The following HERC4 variants were observed in gnomAD, a reference collection of about 807,000 sequenced individuals.
HERC4 encodes HECT and RLD domain containing E3 ubiquitin protein ligase 4, also known as probable E3 ubiquitin-protein ligase HERC4.
HERC4 carries 28 observed loss-of-function variants against 124.3 expected under a neutral mutation model. That is an observed-to-expected ratio of 0.23 (90% CI 0.17 to 0.31). The LOEUF is 0.31. HERC4 is among the 10% of genes least tolerant of loss of function. The pLI is 1.00. For missense variants in HERC4, 713 were observed against 1,229.3 expected (o/e 0.58, Z 6.28); for synonymous variants, 407 against 421.5 (o/e 0.97, Z 0.42).
chr10:68,049,731 T>C (rs779517593), intron 3 of HERC4, among the ~76,000 whole-genome samples: 1 of 150,212 alleles, frequency 6.7e-6, no homozygotes, highest in African/African-American at 2.5e-5. Flanking sequence ...GGCAACATAA[T>C]GAGACCCTGT....
chr10:67,948,904 G>A (rs1381723268), intron 19 of HERC4, among the ~76,000 whole-genome samples: 2 of 149,886 alleles, frequency 1.3e-5, no homozygotes, highest in Non-Finnish European at 3.0e-5. Context: ...CTGGGTGACA[G>A]AGCAAGACTC....
chr10:68,021,927 A>T (rs142191960), intron 8 of HERC4, among the ~76,000 whole-genome samples: 1 of 152,228 alleles, frequency 6.6e-6, no homozygotes, highest in Admixed American at 6.5e-5. Context: ...AAAATTGTTA[A>T]AACTAATAAA....
intron 8 of HERC4, among the ~76,000 whole-genome samples, chr10:68,023,077 G>C (rs926490308): frequency 6.6e-6 from 1 of 151,824 alleles, no homozygotes; most frequent in African/African-American, 2.4e-5. Flanking sequence ...CTGAAACCCT[G>C]TACACTTTTG....
At chr10:67,931,716 C>T (rs189845700) in intron 23 of HERC4, among the ~76,000 whole-genome samples, 12 of 152,184 alleles carry the variant, frequency 7.9e-5, no homozygotes, top group Admixed American at 1.3e-4. Context: ...TGAGCCATCG[C>T]GCCTGGCTTG....
At position 67,944,751 on chromosome 10, in the gene HERC4, C is replaced by G. The variant is rs180898884; in HGVS notation, c.2338-3646G>C. Reference sequence around the variant, plus strand: ...TCAGAATCCTATCAGATAAATTTAACAGAGTAAAATAAAAAGAAGCAGAAA... The same window carrying G: ...TCAGAATCCTATCAGATAAATTTAAGAGAGTAAAATAAAAAGAAGCAGAAA... On this transcript the variant is annotated intron_variant, in intron 19 of 24. Transcript: ENST00000373700. Among the ~76,000 whole-genome samples the G allele has an allele frequency of 3.5e-4, 53 of 152,190 alleles. No individual in the cohort carries two copies. In the East Asian group the frequency reaches 9.6e-3, roughly 28 times the overall value.
rs188776627 is a variant in HERC4, at chr10:68,010,683, G to A, written c.1069+3343C>T. The A allele has an allele frequency of 1.6e-5, 24 of 1,475,748 alleles. No individual in the cohort carries two copies. In the East Asian group the frequency reaches 2.1e-4, roughly 13 times the overall value. 91.4% of individuals were successfully genotyped at this position (1,475,748 alleles called of 1,614,324 possible). A position where few individuals can be genotyped will look rare whatever the true frequency, so the allele number is the denominator to read the frequency against. On this transcript the variant is annotated intron_variant, in intron 9 of 24. Coordinates refer to ENST00000373700, the MANE Select transcript of HERC4 (RefSeq NM_015601.4). ...CCACTTCTGCAGCAAGGGCCGCGCC[G>A]CTTACACATGTTCTTGAAGCTAAGC...
intron 3 of HERC4, among the ~76,000 whole-genome samples, chr10:68,045,170 A>C (rs1416505728): frequency 6.6e-6 from 1 of 152,080 alleles, no homozygotes; most frequent in Non-Finnish European, 1.5e-5. Context: ...AAAGTACAAA[A>C]ATTAGCTGGG....
At chr10:68,050,254 T>C (rs1311930920) in intron 3 of HERC4, among the ~76,000 whole-genome samples, 7 of 152,174 alleles carry the variant, frequency 4.6e-5, no homozygotes, top group Admixed American at 2.6e-4. Flanking sequence ...GAGGGAACAA[T>C]AGCGTGGTCA....
intron 4 of HERC4, among the ~76,000 whole-genome samples, chr10:68,043,252 T>C (rs1274906779): frequency 6.6e-6 from 1 of 152,178 alleles, no homozygotes; most frequent in East Asian, 1.9e-4. Context: ...CCATGAATCA[T>C]GGTTTTGAGA....
At chr10:67,986,932 A>G (rs1012984427) in intron 15 of HERC4, among the ~76,000 whole-genome samples, 1 of 152,124 alleles carries the variant, frequency 6.6e-6, no homozygotes, top group Non-Finnish European at 1.5e-5. Flanking sequence ...TTATACTACT[A>G]TATCTGCTGA....
At chr10:67,984,344 A>T (rs1564510178) in intron 15 of HERC4, among the ~76,000 whole-genome samples, 1 of 152,022 alleles carries the variant, frequency 6.6e-6, no homozygotes, top group Admixed American at 6.6e-5. Context: ...GTCATGTGCA[A>T]CAACATGGAC....
At chr10:67,944,844 T>C (rs998688759) in intron 19 of HERC4, among the ~76,000 whole-genome samples, 1 of 152,138 alleles carries the variant, frequency 6.6e-6, no homozygotes, top group Non-Finnish European at 1.5e-5. Context: ...ACAGTGGAAC[T>C]GACCAAGAAA....
At chr10:67,983,798 A>AT (rs1339505594) in intron 15 of HERC4, among the ~76,000 whole-genome samples, 2 of 150,172 alleles carry the variant, frequency 1.3e-5, no homozygotes, top group Admixed American at 6.6e-5. Context: ...AAAAAAAAAA[A>AT]AAAAAAATAC....
intron 15 of HERC4, among the ~76,000 whole-genome samples, chr10:67,982,417 T>C (rs2035984926): frequency 6.6e-6 from 1 of 152,166 alleles, no homozygotes; most frequent in African/African-American, 2.4e-5. Context: ...GAAAACTGAA[T>C]ATCTGTATGA....
intron 5 of HERC4, among the ~76,000 whole-genome samples, chr10:68,035,918 G>A (rs1458313121): frequency 6.6e-6 from 1 of 152,088 alleles, no homozygotes; most frequent in Non-Finnish European, 1.5e-5. Flanking sequence ...ATCATAGTAT[G>A]TAATTATATC....
intron 15 of HERC4, 96 bp downstream of exon 15, chr10:67,988,567 C>T: frequency 4.8e-6 from 4 of 836,332 alleles, no homozygotes; most frequent in South Asian, 4.9e-5. Flanking sequence ...TTGTTTTTGC[C>T]AATCTAAATC....
chr10:68,065,579 A>C (rs2133818335), intron 3 of HERC4, among the ~76,000 whole-genome samples: 1 of 152,216 alleles, frequency 6.6e-6, no homozygotes, highest in Non-Finnish European at 1.5e-5. Flanking sequence ...AAAAACAAAC[A>C]AACTCTAATA....
chr10:67,932,165 C>T (rs1226162848), intron 23 of HERC4, among the ~76,000 whole-genome samples: 2 of 151,902 alleles, frequency 1.3e-5, no homozygotes, highest in African/African-American at 4.8e-5. Context: ...CCATGTTGGC[C>T]AGGCTGGTCT....
In HERC4 at chr10:67,925,870, C is replaced by T. The variant is rs141461292; in HGVS notation, c.2839-683G>A. On this transcript the variant is annotated intron_variant, in intron 23 of 24. Coordinates refer to ENST00000373700, the MANE Select transcript of HERC4 (RefSeq NM_015601.4). ...TCCTGCCAACAGTCATGTGAGTAAG[C>T]CACCTTGGAAGTGAATCTCTATCCT... 4.4e-3 allele frequency among the ~76,000 whole-genome samples: 667 copies of T among 152,240 alleles called. 4 individuals carry two copies. The highest frequency in any genetic ancestry group is 0.015 in the African/African-American group (624 of 41,552).
Sources: allele counts gnomAD v4.1 joint callset (sites outside exome capture counted in the v4.1 genomes callset), GRCh38; gene constraint gnomAD v4.1.1; transcripts MANE v1.5; gene names NCBI Gene and HGNC (gene_info 2026-07-23, HGNC 2026-07-21).